The following ZMYM4 variants were observed in gnomAD, a reference collection of about 807,000 sequenced individuals.
ZMYM4 encodes zinc finger MYM-type protein 4.
Under a neutral mutation model 183.2 loss-of-function variants are expected in ZMYM4, and 31 were observed. The observed-to-expected ratio is 0.17, with a 90% CI of 0.13 to 0.23. The LOEUF (loss-of-function observed/expected upper bound fraction) is 0.23. ZMYM4 is among the 10% of genes least tolerant of loss of function. The probability of loss-of-function intolerance (pLI) is 1.00; values close to 1 mark genes in which losing one functional copy is unlikely to be tolerated. For synonymous variants in ZMYM4, 592 were observed against 631.2 expected (o/e 0.94, Z 0.93); for missense variants, 1,273 against 1,840.3 (o/e 0.69, Z 5.64).
chr1:35,303,257 C>G (rs1287021244), intron 1 of ZMYM4, among the ~76,000 whole-genome samples: 2 of 149,216 alleles, frequency 1.3e-5, no homozygotes, highest in African/African-American at 2.5e-5. Context: ...CCACTGCACT[C>G]CAGCCTGGTG....
chr1:35,373,474 T>G (rs1187222187), intron 7 of ZMYM4, among the ~76,000 whole-genome samples: 1 of 150,568 alleles, frequency 6.6e-6, no homozygotes, highest in Non-Finnish European at 1.5e-5. Context: ...GCCTCCCAGG[T>G]TAACGCCATT....
intron 7 of ZMYM4, among the ~76,000 whole-genome samples, chr1:35,371,112 CATTTATTT>C (rs1260189525): frequency 8.6e-6 from 1 of 116,410 alleles, no homozygotes; most frequent in African/African-American, 3.3e-5. Flanking sequence ...TGTGTGCGCA[CATTTATTT>C]ATTTATTTAT....
intron 23 of ZMYM4, among the ~76,000 whole-genome samples, chr1:35,401,984 T>C (rs1244482056): frequency 6.6e-6 from 1 of 152,184 alleles, no homozygotes; most frequent in East Asian, 1.9e-4. Flanking sequence ...TTTATACCAG[T>C]ACCAACTGTC....
intron 13 of ZMYM4, among the ~76,000 whole-genome samples, chr1:35,387,913 T>A (rs778026633): frequency 1.1e-4 from 17 of 152,202 alleles, no homozygotes; most frequent in Non-Finnish European, 1.9e-4. Flanking sequence ...GTTCGTGTAC[T>A]TATTTCTAAA....
intron 23 of ZMYM4, among the ~76,000 whole-genome samples, chr1:35,400,989 A>G (rs1644897850): frequency 6.6e-6 from 1 of 152,226 alleles, no homozygotes; most frequent in East Asian, 1.9e-4. Flanking sequence ...ACATGGACAA[A>G]CTACAATTTG....
chr1:35,374,019 CTTTTTTTTTTTTTT>C (rs397863926), intron 7 of ZMYM4, among the ~76,000 whole-genome samples: 5 of 52,792 alleles, frequency 9.5e-5, no homozygotes, highest in East Asian at 1.4e-3. Context: ...TCATGGGATT[CTTTTTTTTTTTTTT>C]TTTTTTTTTT....
At chr1:35,347,363 T>C (rs538193730) in intron 2 of ZMYM4, among the ~76,000 whole-genome samples, 77 of 152,190 alleles carry the variant, frequency 5.1e-4, no homozygotes, top group Non-Finnish European at 8.7e-4. Flanking sequence ...TAGTATGAGC[T>C]CTAGTAGAAG....
intron 20 of ZMYM4, 41 bp from the exon 21 acceptor site, chr1:35,398,372 G>C (rs1644845389): frequency 6.4e-7 from 1 of 1,558,562 alleles, no homozygotes; most frequent in Non-Finnish European, 8.8e-7. Context: ...ATAATTTGTT[G>C]TCTAAACATA....
At chr1:35,351,656 T>A in intron 2 of ZMYM4, 1 of 545,770 alleles carries the variant, frequency 1.8e-6, no homozygotes, top group Non-Finnish European at 3.2e-6. Context: ...AATAAACTGA[T>A]GGATAGCAAC....
rs186738265 is a variant in ZMYM4, at chr1:35,421,319, C to T, written c.*1642C>T. The T allele has an allele frequency of 5.9e-5, 9 of 152,620 alleles. No homozygotes were observed. In the East Asian group the frequency reaches 7.7e-4, roughly 13 times the overall value. 9.5% of individuals were successfully genotyped at this position (152,620 alleles called of 1,614,324 possible). On this transcript the variant is annotated 3_prime_UTR_variant, in exon 30 of 30. Coordinates refer to ENST00000314607, the MANE Select transcript of ZMYM4 (RefSeq NM_005095.3). ...CTGTATGAAAGAAGTAAATCCACCC[C>T]GATTCTGTATGATTAATTCCATCTG...
intron 1 of ZMYM4, among the ~76,000 whole-genome samples, chr1:35,323,963 C>T (rs1477558013): frequency 6.6e-6 from 1 of 152,098 alleles, no homozygotes; most frequent in Non-Finnish European, 1.5e-5. Context: ...CTTTACTTTC[C>T]AATGTTTACA....
At chr1:35,363,681 A>G (rs1356419091) in intron 5 of ZMYM4, among the ~76,000 whole-genome samples, 3 of 152,226 alleles carry the variant, frequency 2.0e-5, no homozygotes, top group Non-Finnish European at 4.4e-5. Context: ...AGTAGAAGGA[A>G]TATAAATAGA....
intron 1 of ZMYM4, among the ~76,000 whole-genome samples, chr1:35,306,329 C>T (rs1641531866): frequency 6.6e-6 from 1 of 151,984 alleles, no homozygotes; most frequent in Non-Finnish European, 1.5e-5. Flanking sequence ...TATTTTAGGG[C>T]CTTGTCTTAT....
chr1:35,335,103 C>T (rs1642917388), intron 2 of ZMYM4, among the ~76,000 whole-genome samples: 1 of 152,166 alleles, frequency 6.6e-6, no homozygotes, highest in Non-Finnish European at 1.5e-5. Context: ...AGGTAGCCAT[C>T]ATCCTGAATT....
chr1:35,350,317 C>G (rs1056634379), intron 2 of ZMYM4, among the ~76,000 whole-genome samples: 1 of 150,168 alleles, frequency 6.7e-6, no homozygotes, highest in Non-Finnish European at 1.5e-5. Context: ...GAGACAGAGT[C>G]TTGCTCTGTT....
chr1:35,269,195 A>AGGTTGCGGGCAGG, intron 1 of ZMYM4, 110 bp downstream of exon 1: 1 of 1,212,684 alleles, frequency 8.2e-7, no homozygotes, highest in Non-Finnish European at 1.1e-6. Flanking sequence ...AGTTAGGACA[A>AGGTTGCGGGCAGG]GGTTGCGGGC....
intron 26 of ZMYM4, 68 bp downstream of exon 26, chr1:35,408,227 A>G (rs751409437): frequency 1.2e-5 from 19 of 1,575,954 alleles, no homozygotes; most frequent in Admixed American, 1.7e-5. Context: ...CCCCACAGAA[A>G]TTACATGCAC....
intron 19 of ZMYM4, chr1:35,397,118 C>G (rs1644822816): frequency 9.2e-7 from 1 of 1,084,962 alleles, no homozygotes; most frequent in Non-Finnish European, 1.1e-6. Flanking sequence ...ACAACAAAAA[C>G]AAAATGCAAG....
At chr1:35,271,691 C>G (rs576339252) in intron 1 of ZMYM4, among the ~76,000 whole-genome samples, 2 of 152,336 alleles carry the variant, frequency 1.3e-5, no homozygotes, top group South Asian at 4.1e-4. Flanking sequence ...GTGTGAGCTA[C>G]CGGGCCTGGC....
Sources: gnomAD v4.1 joint callset for allele counts (sites outside exome capture counted in the v4.1 genomes callset) on GRCh38, gnomAD v4.1.1 for gene constraint, MANE v1.5 for transcripts, NCBI Gene and HGNC (gene_info 2026-07-23, HGNC 2026-07-21) for gene names.